PCDH15: variants seen among roughly 807,000 people sequenced by gnomAD.
The protein encoded by PCDH15 is protocadherin-15.
Under a neutral mutation model 178.5 loss-of-function variants are expected in PCDH15, and 129 were observed. The observed-to-expected ratio is 0.72, with a 90% CI of 0.63 to 0.84. The LOEUF is 0.84. Ranked by LOEUF, PCDH15 falls within the 40% of genes least tolerant of loss-of-function variation. The pLI is 0.00. For synonymous variants in PCDH15, 800 were observed against 732.0 expected, an observed-to-expected ratio of 1.09 and a Z score of -1.50; for missense variants, 2,230 against 2,099.9, an observed-to-expected ratio of 1.06 and a Z score of -1.21.
chr10:54,495,922 T>C (rs1431088648), intron 3 of PCDH15, among the ~76,000 whole-genome samples: 1 of 152,190 alleles, frequency 6.6e-6, no homozygotes, highest in Non-Finnish European at 1.5e-5. Flanking sequence ...AGCATTCCTC[T>C]ATTACTTTAA....
At chr10:54,366,533 C>T (rs1946821297) in intron 5 of PCDH15, among the ~76,000 whole-genome samples, 1 of 151,796 alleles carries the variant, frequency 6.6e-6, no homozygotes, top group African/African-American at 2.4e-5. Flanking sequence ...AATGTATCTT[C>T]CTAATACATA....
chr10:54,808,599 T>A (rs1297172177), intron 3 of PCDH15, among the ~76,000 whole-genome samples: 1 of 152,218 alleles, frequency 6.6e-6, no homozygotes, highest in African/African-American at 2.4e-5. Flanking sequence ...AATGGACAGC[T>A]GATTTATTTC....
chr10:53,866,641 C>A lies in PCDH15; in HGVS notation c.3717+1G>T, dbSNP rs748706627. On this transcript the variant is annotated splice_donor_variant, in intron 27 of 37. Transcript: ENST00000644397. LOFTEE classifies it high-confidence loss of function. ...CCTTTCCTGAAGTTTTATCTACTTA[C>A]GAGTACATCGGCTTTGCCGCTCAGT... 1.7e-5 allele frequency: 27 copies of A among 1,612,328 alleles called. No individual in the cohort carries two copies. The highest frequency in any genetic ancestry group is 2.2e-5 in the Non-Finnish European group (26 of 1,178,778).
intron 27 of PCDH15, among the ~76,000 whole-genome samples, chr10:53,862,987 G>T (rs1336024602): frequency 6.6e-6 from 1 of 152,182 alleles, no homozygotes. Context: ...AACTCAAAGT[G>T]ATTTGGTCAT....
intron 3 of PCDH15, among the ~76,000 whole-genome samples, chr10:54,453,230 C>T (rs557150337): frequency 1.3e-5 from 2 of 152,168 alleles, no homozygotes; most frequent in East Asian, 3.9e-4. Context: ...GCACTATTCA[C>T]AATAGCAAAG....
chr10:54,056,108 C>T (rs1349507906), intron 18 of PCDH15, among the ~76,000 whole-genome samples: 1 of 152,038 alleles, frequency 6.6e-6, no homozygotes, highest in Non-Finnish European at 1.5e-5. Context: ...TGGGATTATG[C>T]CATTTTTAAT....
chr10:54,204,598 TG>T (rs2050591428), intron 10 of PCDH15, among the ~76,000 whole-genome samples: 1 of 81,350 alleles, frequency 1.2e-5, no homozygotes, highest in East Asian at 2.0e-4. Flanking sequence ...TCAATAAAAA[TG>T]TTACTAAAAA....
intron 2 of PCDH15, among the ~76,000 whole-genome samples, chr10:55,341,787 ATATATATATATATATATATTTTTTTTTTT>A (rs1357382681): frequency 0.42 from 23,146 of 54,788 alleles, 3,608 homozygotes; most frequent in Admixed American, 0.51. Context: ...ATATATATAT[ATATATATATATATATATATTTTTTTTTTT>A]TTTTTTTTTT....
At chr10:53,930,329 G>A (rs2084936276) in intron 25 of PCDH15, among the ~76,000 whole-genome samples, 1 of 151,390 alleles carries the variant, frequency 6.6e-6, no homozygotes, top group South Asian at 2.1e-4. Context: ...GTGGTGTCAG[G>A]CACCTGTAGT....
chr10:55,146,450 A>C (rs1340514131), intron 2 of PCDH15, among the ~76,000 whole-genome samples: 1 of 151,960 alleles, frequency 6.6e-6, no homozygotes, highest in African/African-American at 2.4e-5. Flanking sequence ...AGGAAGATGG[A>C]ATCTGGATTC....
At chr10:55,068,455 T>C (rs1415739435) in intron 2 of PCDH15, among the ~76,000 whole-genome samples, 1 of 152,122 alleles carries the variant, frequency 6.6e-6, no homozygotes. Flanking sequence ...CATTTATGCA[T>C]ACATTTTTAT....
At chr10:54,034,571 G>T (rs1219668075) in intron 18 of PCDH15, among the ~76,000 whole-genome samples, 1 of 151,976 alleles carries the variant, frequency 6.6e-6, no homozygotes, top group African/African-American at 2.4e-5. Flanking sequence ...TAGGAAAACA[G>T]AATTAATTGG....
rs563998889 is a variant in PCDH15 at position 54,630,314 on chromosome 10, AAC to A, written c.91+33856_91+33857del. On this transcript the variant is annotated intron_variant, in intron 2 of 37. Transcript: ENST00000644397. ...ACAGCATGGTATTGTCACAAAAACA[AAC>A]ACATAGAACAATGAAACAGAATAGA... is the stretch of plus-strand genomic sequence containing the variant. 3.5e-4 allele frequency among the ~76,000 whole-genome samples: 54 copies of A among 152,272 alleles called. No individual in the cohort carries two copies. The South Asian group carries it at 5.0e-3, about 14-fold the overall frequency.
intron 1 of PCDH15, among the ~76,000 whole-genome samples, chr10:54,797,150 A>G (rs1177600756): frequency 2.0e-5 from 3 of 151,998 alleles, no homozygotes; most frequent in Non-Finnish European, 4.4e-5. Context: ...AGAATGAATG[A>G]CTTTTCAAAG....
chr10:54,700,086 C>T (rs778842012), intron 1 of PCDH15, among the ~76,000 whole-genome samples: 1 of 152,106 alleles, frequency 6.6e-6, no homozygotes, highest in Non-Finnish European at 1.5e-5. Context: ...TTACTGCAAG[C>T]AGGCCTGGAG....
Position 55,333,602 on chromosome 10 carries a change from G to T in PCDH15, c.-155-166951C>A, listed in dbSNP as rs966930479. Reference sequence around the variant, plus strand: ...AAATATTATGGTATTATTATTTAAAGAATTCATATATTTTAGATATTTACA... The same window carrying T: ...AAATATTATGGTATTATTATTTAAATAATTCATATATTTTAGATATTTACA... On this transcript the variant is annotated intron_variant, in intron 2 of 5. Transcript: ENST00000613346. Among the ~76,000 whole-genome samples the T allele has an allele frequency of 4.6e-5, 7 of 152,062 alleles. No homozygotes were observed. In the East Asian group the frequency reaches 1.4e-3, roughly 29 times the overall value.
chr10:54,388,729 G>A (rs1455030100), intron 3 of PCDH15, among the ~76,000 whole-genome samples: 2 of 152,130 alleles, frequency 1.3e-5, no homozygotes, highest in Non-Finnish European at 2.9e-5. Flanking sequence ...TGGAAATGAG[G>A]TTGTATGTCC....
At chr10:54,384,801 C>T (rs372535139) in intron 3 of PCDH15, among the ~76,000 whole-genome samples, 3 of 151,968 alleles carry the variant, frequency 2.0e-5, no homozygotes, top group African/African-American at 7.3e-5. Context: ...TGGTCAAATA[C>T]GATTTTGATT....
chr10:54,359,672 T>G lies in PCDH15; in HGVS notation c.474+9448A>C, dbSNP rs762691325. The stretch of plus-strand genomic sequence containing the variant: ...TGTCAACAAATTTAATAAGATATAC[T>G]TATAGAATGAAACAGAGTAAACAGA... On this transcript the variant is annotated intron_variant, in intron 5 of 37. Transcript: ENST00000644397. Among the ~76,000 whole-genome samples, 3 of 152,042 alleles carry G rather than the reference T, an allele frequency of 2.0e-5. No individual in the cohort carries two copies. The East Asian group carries it at 5.8e-4, about 29-fold the overall frequency.
Sources: allele counts gnomAD v4.1 joint callset (sites outside exome capture counted in the v4.1 genomes callset), GRCh38; gene constraint gnomAD v4.1.1; transcripts MANE v1.5; gene names NCBI Gene and HGNC (gene_info 2026-07-23, HGNC 2026-07-21).